The following SFRP1 variants were observed in gnomAD, a reference collection of about 807,000 sequenced individuals.
SFRP1 encodes the protein secreted frizzled related protein 1.
A neutral mutation model predicts 25.9 loss-of-function variants in SFRP1; 9 were observed. The ratio of observed to expected loss-of-function variants is 0.35; its 90% CI spans 0.21 to 0.61. The LOEUF is 0.61. Ranked by LOEUF, SFRP1 falls within the 20% of genes least tolerant of loss-of-function variation. The probability of loss-of-function intolerance (pLI) is 0.78; values close to 1 mark genes in which losing one functional copy is unlikely to be tolerated. For synonymous variants in SFRP1, 178 were observed against 174.0 expected (o/e 1.02, Z -0.18); for missense variants, 346 against 418.2 (o/e 0.83, Z 1.51).
chr8:41,271,464 C>CA, intron 2 of SFRP1: 2 of 184,162 alleles, frequency 1.1e-5, no homozygotes, highest in Non-Finnish European at 2.4e-5. Context: ...TGGAGCCATC[C>CA]AAAAAAATTC....
At position 41,265,138 on chromosome 8, in the gene SFRP1, G is replaced by GCCCCCCCCCC; in HGVS notation, c.*28_*29insGGGGGGGGGG. 4 of 508,948 alleles carry GCCCCCCCCCC rather than the reference G, an allele frequency of 7.9e-6. No individual in the cohort carries two copies. Among genetic ancestry groups the GCCCCCCCCCC allele is most frequent in the South Asian group, 4.0e-5 (2 of 50,516 alleles). The allele number at this position is 508,948 out of a possible 1,614,324, so 31.5% of individuals were successfully genotyped here. A position where few individuals can be genotyped will look rare whatever the true frequency, so the allele number is the denominator to read the frequency against. ...CCCCCCCGCTCCCACCCCACCCGAG[G>GCCCCCCCCCC]CTCCCTCCCCACCCTGCCCCCGGGA... On this transcript the variant is annotated 3_prime_UTR_variant, in exon 3 of 3. Transcript: ENST00000220772.
intron 2 of SFRP1, among the ~76,000 whole-genome samples, chr8:41,268,129 T>C (rs957994081): frequency 2.6e-5 from 4 of 152,262 alleles, no homozygotes; most frequent in African/African-American, 4.8e-5. Context: ...AAGTGAGCCA[T>C]TGTAAGGTAG....
intron 2 of SFRP1, among the ~76,000 whole-genome samples, chr8:41,278,609 C>T (rs1402350326): frequency 6.6e-6 from 1 of 152,230 alleles, no homozygotes; most frequent in African/African-American, 2.4e-5. Flanking sequence ...GGCAATGCTG[C>T]CCAAGCCGCT....
chr8:41,290,301 G>C (rs1585515633), intron 2 of SFRP1, among the ~76,000 whole-genome samples: 1 of 152,178 alleles, frequency 6.6e-6, no homozygotes, highest in African/African-American at 2.4e-5. Context: ...TATTGTCACT[G>C]CAGCCTCTCC....
intron 2 of SFRP1, among the ~76,000 whole-genome samples, chr8:41,287,784 TAAGGA>T (rs759887562): frequency 1.3e-5 from 2 of 152,220 alleles, no homozygotes; most frequent in Admixed American, 1.3e-4. Context: ...TGTTACAGTT[TAAGGA>T]AAGTGCAGCA....
chr8:41,294,536 T>C (rs1803816891), intron 2 of SFRP1, among the ~76,000 whole-genome samples: 1 of 152,198 alleles, frequency 6.6e-6, no homozygotes. Context: ...ACTGCCAAAG[T>C]ACTATTTTGG....
intron 2 of SFRP1, among the ~76,000 whole-genome samples, chr8:41,299,499 T>TAAAAAAAAAAA (rs576175856): frequency 2.1e-4 from 12 of 56,068 alleles, no homozygotes; most frequent in African/African-American, 1.0e-3. Flanking sequence ...TTCTCCTTTA[T>TAAAAAAAAAAA]AAAAAAAAAA....
intron 2 of SFRP1, among the ~76,000 whole-genome samples, chr8:41,269,611 A>G (rs1803478152): frequency 6.6e-6 from 1 of 152,166 alleles, no homozygotes; most frequent in African/African-American, 2.4e-5. Context: ...CACATTCTTC[A>G]AAGCCGTCTC....
chr8:41,308,701 C>G lies in SFRP1; in HGVS notation c.459G>C (p.Glu153Asp). Residue 153 changes from glutamate to aspartate, a missense_variant, in exon 1 of 3, where the codon GAG becomes GAC. By Grantham distance (45) the Glu-to-Asp change is conservative. Transcript: ENST00000220772. ...VMQFFGFYWP[E>D]MLKCDKFPEG... ...CGGGGAACTTGTCACACTTAAGCAT[C>G]TCGGGCCAGTAGAAGCCGAAGAACT... 1 of 1,611,428 alleles carries G rather than the reference C, an allele frequency of 6.2e-7. No individual in the cohort carries two copies. The highest frequency in any genetic ancestry group is 8.5e-7 in the Non-Finnish European group (1 of 1,178,800).
At chr8:41,278,086 A>G (rs1273875240) in intron 2 of SFRP1, among the ~76,000 whole-genome samples, 1 of 152,162 alleles carries the variant, frequency 6.6e-6, no homozygotes. Context: ...GATGACGTCT[A>G]AACATCCTAG....
At chr8:41,287,789 A>G (rs1229751046) in intron 2 of SFRP1, among the ~76,000 whole-genome samples, 4 of 152,220 alleles carry the variant, frequency 2.6e-5, no homozygotes, top group Non-Finnish European at 4.4e-5. Context: ...CAGTTTAAGG[A>G]AAGTGCAGCA....
intron 2 of SFRP1, among the ~76,000 whole-genome samples, chr8:41,297,544 CATA>C: frequency 6.6e-6 from 1 of 152,204 alleles, no homozygotes; most frequent in South Asian, 2.1e-4. Flanking sequence ...AATAAGAAGA[CATA>C]ATAATTATTA....
chr8:41,279,404 C>T (rs886916808), intron 2 of SFRP1, among the ~76,000 whole-genome samples: 9 of 152,168 alleles, frequency 5.9e-5, no homozygotes, highest in Admixed American at 5.9e-4. Context: ...CGGGACACCT[C>T]TAACAGCCTA....
intron 1 of SFRP1, among the ~76,000 whole-genome samples, chr8:41,305,267 G>T (rs1433882342): frequency 6.6e-6 from 1 of 152,188 alleles, no homozygotes; most frequent in Non-Finnish European, 1.5e-5. Context: ...AAACATAAAG[G>T]GCACATCTCT....
Position 41,276,879 on chromosome 8 carries a change from C to T in SFRP1, c.623-11390G>A, listed in dbSNP as rs1391636924. 1.1e-5 allele frequency: 5 copies of T among 455,392 alleles called. No individual in the cohort carries two copies. The Admixed American group carries it at 1.2e-4, about 11-fold the overall frequency. The allele number at this position is 455,392 out of a possible 1,614,324, so 28.2% of individuals were successfully genotyped here. Reference sequence around the variant, plus strand: ...GATTGCAACTTTGCAGAGCCCTCTCCCCAGTACTCACATATGAACGCACAC... The same window carrying T: ...GATTGCAACTTTGCAGAGCCCTCTCTCCAGTACTCACATATGAACGCACAC... On this transcript the variant is annotated intron_variant, in intron 2 of 2. Coordinates refer to ENST00000220772, the MANE Select transcript of SFRP1 (RefSeq NM_003012.5).
Position 41,306,611 on chromosome 8 carries a change from C to T in SFRP1, c.544+2005G>A. The T allele has an allele frequency of 1.6e-5, 21 of 1,298,654 alleles. No individual in the cohort carries two copies. In the South Asian group the frequency reaches 2.8e-4, roughly 18 times the overall value. The allele number at this position is 1,298,654 out of a possible 1,614,324, so 80.4% of individuals were successfully genotyped here. A position where few individuals can be genotyped will look rare whatever the true frequency, so the allele number is the denominator to read the frequency against. On this transcript the variant is annotated intron_variant, in intron 1 of 2. Coordinates refer to ENST00000220772, the MANE Select transcript of SFRP1 (RefSeq NM_003012.5). ...GGTGGTGTGCCATCTCAGGGCAGAG[C>T]CCCCCACCAAAACCACTGAGGGGAA...
chr8:41,276,950 A>G (rs1330087879), intron 2 of SFRP1: 2 of 456,258 alleles, frequency 4.4e-6, no homozygotes, highest in African/African-American at 4.0e-5. Flanking sequence ...AGCATCATCA[A>G]TGCATACACA....
At chr8:41,294,008 G>A (rs1803810249) in intron 2 of SFRP1, among the ~76,000 whole-genome samples, 1 of 151,858 alleles carries the variant, frequency 6.6e-6, no homozygotes, top group African/African-American at 2.4e-5. Flanking sequence ...GAAGCACTGG[G>A]ATTACAGGCA....
chr8:41,299,915 AC>A (rs1803894147), intron 2 of SFRP1, among the ~76,000 whole-genome samples: 1 of 152,184 alleles, frequency 6.6e-6, no homozygotes, highest in Non-Finnish European at 1.5e-5. Flanking sequence ...CTCACAATTA[AC>A]AGGCATCTCC....
Sources: gnomAD v4.1 joint callset for allele counts (sites outside exome capture counted in the v4.1 genomes callset) on GRCh38, gnomAD v4.1.1 for gene constraint, MANE v1.5 for transcripts, NCBI Gene and HGNC (gene_info 2026-07-23, HGNC 2026-07-21) for gene names.